Variants in GABRB1 observed in about 807,000 individuals in gnomAD.
GABRB1 encodes the protein gamma-aminobutyric acid type A receptor subunit beta1, also known as gamma-aminobutyric acid receptor subunit beta-1.
Under a neutral mutation model 51.6 loss-of-function variants are expected in GABRB1, and 17 were observed. The observed-to-expected ratio is 0.33, with a 90% CI of 0.23 to 0.49. GABRB1 has a LOEUF of 0.49. Among genes scored for constraint, GABRB1 ranks in the 20% least tolerant of loss-of-function variants. The pLI is 0.99. For missense variants in GABRB1, 410 were observed against 600.6 expected (o/e 0.68, Z 3.32); for synonymous variants, 247 against 218.9 (o/e 1.13, Z -1.14).
chr4:47,032,911 G>C (rs1445168741), intron 3 of GABRB1: 7 of 361,908 alleles, frequency 1.9e-5, no homozygotes, highest in South Asian at 4.1e-5. Context: ...GGCCCTCGCA[G>C]TCCGCGAGCC....
In GABRB1 at chr4:47,325,264, G is replaced by A. The variant is rs576919956; in HGVS notation, c.544+5055G>A. Among the ~76,000 whole-genome samples the A allele has an allele frequency of 1.1e-3, 171 of 152,120 alleles. 1 individual carries two copies. The highest frequency in any genetic ancestry group is 2.5e-3 in the East Asian group (13 of 5,174). Reference sequence around the variant, plus strand: ...AGCCTGGCCAACATGGTGAAACCCCGTTTCTACTAAAGATACAAAAATTAG... The same window carrying A: ...AGCCTGGCCAACATGGTGAAACCCCATTTCTACTAAAGATACAAAAATTAG... On this transcript the variant is annotated intron_variant, in intron 5 of 8. Coordinates refer to ENST00000295454, the MANE Select transcript of GABRB1 (RefSeq NM_000812.4).
chr4:47,189,427 A>C (rs1719333964), intron 4 of GABRB1, among the ~76,000 whole-genome samples: 1 of 151,912 alleles, frequency 6.6e-6, no homozygotes, highest in Non-Finnish European at 1.5e-5. Flanking sequence ...AAGAAACATG[A>C]TAGGATATAA....
chr4:47,423,565 C>G (rs975764789), intron 8 of GABRB1, among the ~76,000 whole-genome samples: 1 of 152,212 alleles, frequency 6.6e-6, no homozygotes, highest in Non-Finnish European at 1.5e-5. Flanking sequence ...ATCTCTCACA[C>G]AGTAAGCACT....
chr4:47,354,870 A>C (rs897309068), intron 5 of GABRB1, among the ~76,000 whole-genome samples: 1 of 140,932 alleles, frequency 7.1e-6, no homozygotes. Context: ...TTTTTTTTTT[A>C]TACCCTGACC....
chr4:47,103,312 G>T (rs1054184770), intron 3 of GABRB1, among the ~76,000 whole-genome samples: 1 of 151,928 alleles, frequency 6.6e-6, no homozygotes, highest in Non-Finnish European at 1.5e-5. Context: ...ATGGCTTTCA[G>T]AAATACAAAA....
intron 4 of GABRB1, among the ~76,000 whole-genome samples, chr4:47,196,306 GAA>G (rs1211053799): frequency 1.3e-5 from 2 of 152,202 alleles, no homozygotes; most frequent in Non-Finnish European, 2.9e-5. Context: ...AGCATTTTCA[GAA>G]GTGTTCAGAA....
rs115002539 is a variant in GABRB1, at chr4:47,378,141, G to A, written c.545-25177G>A. Among the ~76,000 whole-genome samples the A allele has an allele frequency of 3.4e-3, 522 of 152,306 alleles. 3 individuals are homozygous for A. Among genetic ancestry groups the A allele is most frequent in the African/African-American group, 0.012 (498 of 41,568 alleles). On this transcript the variant is annotated intron_variant, in intron 5 of 8. Coordinates refer to ENST00000295454, the MANE Select transcript of GABRB1 (RefSeq NM_000812.4). ...GGGCTGCACAGGAGCCCACAGAGGC[G>A]GGGAGTCGTGGGGAGGCTCAGGCAT...
rs199808113 is a variant in GABRB1, at chr4:47,070,026, GT to G, written c.240+37553del. On this transcript the variant is annotated intron_variant, in intron 3 of 8. Coordinates refer to ENST00000295454, the MANE Select transcript of GABRB1 (RefSeq NM_000812.4). ...CTTGCCCTTCTTTTTCGTTGTTGCTGTTTTTTTTTTTCTTTTCTTTTCTTTT... is the reference window on the plus strand; with the variant it reads ...CTTGCCCTTCTTTTTCGTTGTTGCTGTTTTTTTTTTCTTTTCTTTTCTTTT... Among the ~76,000 whole-genome samples the G allele has an allele frequency of 2.3e-3, 342 of 145,572 alleles. 2 individuals are homozygous for G. The highest frequency in any genetic ancestry group is 0.018 in the Middle Eastern group (5 of 280).
intron 4 of GABRB1, among the ~76,000 whole-genome samples, chr4:47,277,301 T>A (rs1470346410): frequency 6.6e-6 from 1 of 151,972 alleles, no homozygotes; most frequent in Admixed American, 6.6e-5. Context: ...ATTTGTGGAA[T>A]CATAAATCAA....
intron 3 of GABRB1, among the ~76,000 whole-genome samples, chr4:47,083,855 A>G (rs1727954420): frequency 6.6e-6 from 1 of 152,116 alleles, no homozygotes; most frequent in Non-Finnish European, 1.5e-5. Context: ...TTTCAGATCA[A>G]AGACACACCC....
At chr4:47,040,385 T>C (rs1430565178) in intron 3 of GABRB1, among the ~76,000 whole-genome samples, 1 of 152,076 alleles carries the variant, frequency 6.6e-6, no homozygotes, top group Non-Finnish European at 1.5e-5. Flanking sequence ...GTACTTTCCA[T>C]AGGAATAGAC....
At chr4:47,320,663 T>C (rs1725048136) in intron 5 of GABRB1, among the ~76,000 whole-genome samples, 1 of 152,196 alleles carries the variant, frequency 6.6e-6, no homozygotes, top group South Asian at 2.1e-4. Context: ...ATTGCACTCA[T>C]GGGGCTTATG....
At chr4:46,995,299 T>C (rs955273238) in intron 1 of GABRB1, among the ~76,000 whole-genome samples, 4 of 152,198 alleles carry the variant, frequency 2.6e-5, no homozygotes, top group East Asian at 1.9e-4. Context: ...CCTCCAAATA[T>C]GCCATGAAAG....
At chr4:47,167,075 A>G (rs1474124098) in intron 4 of GABRB1, among the ~76,000 whole-genome samples, 1 of 152,124 alleles carries the variant, frequency 6.6e-6, no homozygotes, top group Non-Finnish European at 1.5e-5. Context: ...TAAACTTTGT[A>G]TCCTCTCTCT....
chr4:47,105,392 A>G (rs952436108), intron 3 of GABRB1, among the ~76,000 whole-genome samples: 5 of 152,078 alleles, frequency 3.3e-5, no homozygotes, highest in Non-Finnish European at 7.4e-5. Flanking sequence ...TTATTAGACC[A>G]GTGGTGTAGG....
chr4:47,022,755 T>C (rs943319070), intron 1 of GABRB1, among the ~76,000 whole-genome samples: 3 of 151,984 alleles, frequency 2.0e-5, no homozygotes, highest in African/African-American at 7.2e-5. Flanking sequence ...TTCCTCAAAT[T>C]GAAATTGAGC....
At chr4:47,167,460 T>G (rs1215210598) in intron 4 of GABRB1, among the ~76,000 whole-genome samples, 2 of 152,058 alleles carry the variant, frequency 1.3e-5, no homozygotes, top group Non-Finnish European at 2.9e-5. Context: ...GCCCCTACAA[T>G]TGCTTTTCTT....
At chr4:47,152,131 G>T (rs1352331886) in intron 3 of GABRB1, among the ~76,000 whole-genome samples, 1 of 151,986 alleles carries the variant, frequency 6.6e-6, no homozygotes, top group South Asian at 2.1e-4. Context: ...AGTTGTTAGA[G>T]AATGGAAATT....
At chr4:47,293,217 C>T (rs1723821775) in intron 4 of GABRB1, among the ~76,000 whole-genome samples, 1 of 152,154 alleles carries the variant, frequency 6.6e-6, no homozygotes, top group Non-Finnish European at 1.5e-5. Context: ...TCTCATCTCA[C>T]CACAACCTCC....
Sources: gnomAD v4.1 joint callset for allele counts (sites outside exome capture counted in the v4.1 genomes callset) on GRCh38, gnomAD v4.1.1 for gene constraint, MANE v1.5 for transcripts, NCBI Gene and HGNC (gene_info 2026-07-23, HGNC 2026-07-21) for gene names.